Variants in ACTR3C observed in about 807,000 individuals in gnomAD.
ACTR3C encodes actin-related protein 3C.
In ACTR3C, 18 loss-of-function variants were observed where a neutral mutation model predicts 26.3. The ratio of observed to expected loss-of-function variants is 0.68; its 90% CI spans 0.47 to 1.01. ACTR3C has a LOEUF of 1.01. Ranked by LOEUF, ACTR3C falls within the 50% of genes least tolerant of loss-of-function variation. The pLI is 0.00. For synonymous variants in ACTR3C, 55 were observed against 94.5 expected (o/e 0.58, Z 2.42); for missense variants, 184 against 250.7 (o/e 0.73, Z 1.80).
intron 6 of ACTR3C, among the ~76,000 whole-genome samples, chr7:150,280,063 TAC>T (rs1835194140): frequency 1.3e-5 from 2 of 152,322 alleles, no homozygotes; most frequent in East Asian, 3.9e-4. Flanking sequence ...GCGTGCAAGT[TAC>T]TAAACACTGG....
At chr7:150,227,555 CA>C in the ACTR3C span, among the ~76,000 whole-genome samples, 1 of 151,504 alleles carries the variant, frequency 6.6e-6, no homozygotes, top group Non-Finnish European at 1.5e-5. Context: ...GCTGTTCTAT[CA>C]AAAACTTTAT....
At chr7:150,145,037 G>A in the ACTR3C span, among the ~76,000 whole-genome samples, 87 of 139,442 alleles carry the variant, frequency 6.2e-4, no homozygotes, top group Admixed American at 2.1e-3. Flanking sequence ...TGGACAGTGC[G>A]AGACTCCATC....
At chr7:150,050,263 CTAAA>C in the ACTR3C span, among the ~76,000 whole-genome samples, 3 of 152,152 alleles carry the variant, frequency 2.0e-5, no homozygotes, top group African/African-American at 4.8e-5. Context: ...TTTACACAAA[CTAAA>C]TGTCATACTA....
the ACTR3C span, among the ~76,000 whole-genome samples, chr7:149,961,698 T>C: frequency 6.7e-6 from 1 of 149,464 alleles, no homozygotes; most frequent in Admixed American, 6.6e-5. Flanking sequence ...AGTGTAGGCT[T>C]ACAGGAAGTG....
chr7:150,302,315 G>T (rs1402736838), intron 1 of ACTR3C, among the ~76,000 whole-genome samples: 1 of 152,168 alleles, frequency 6.6e-6, no homozygotes, highest in African/African-American at 2.4e-5. Flanking sequence ...AGTCTGAAAT[G>T]GCACACTGTG....
the ACTR3C span, among the ~76,000 whole-genome samples, chr7:150,104,708 C>A: frequency 6.6e-6 from 1 of 151,988 alleles, no homozygotes; most frequent in Non-Finnish European, 1.5e-5. Flanking sequence ...GCCCAGATAC[C>A]AAAACCTCCA....
chr7:150,318,018 A>ATGG (rs1303584409), intron 1 of ACTR3C, among the ~76,000 whole-genome samples: 5 of 152,196 alleles, frequency 3.3e-5, no homozygotes, highest in Non-Finnish European at 7.3e-5. Context: ...GGAGGTTGCA[A>ATGG]GAAAATGGGG....
chr7:150,191,620 G>A, the ACTR3C span, among the ~76,000 whole-genome samples: 2 of 152,086 alleles, frequency 1.3e-5, no homozygotes, highest in Non-Finnish European at 2.9e-5. Flanking sequence ...TGGATTTCTC[G>A]GGTTTTGCCA....
chr7:150,110,416 A>T, the ACTR3C span, among the ~76,000 whole-genome samples: 1 of 136,430 alleles, frequency 7.3e-6, no homozygotes, highest in Admixed American at 7.1e-5. Context: ...GGGACTGCTC[A>T]GCAAGGCTGG....
At chr7:150,127,313 T>A in the ACTR3C span, among the ~76,000 whole-genome samples, 1 of 146,098 alleles carries the variant, frequency 6.8e-6, no homozygotes, top group African/African-American at 2.5e-5. Flanking sequence ...CTTACCATAA[T>A]AGGAAAAAGA....
At chr7:150,044,119 C>A in the ACTR3C span, among the ~76,000 whole-genome samples, 2 of 152,098 alleles carry the variant, frequency 1.3e-5, no homozygotes, top group African/African-American at 4.8e-5. Flanking sequence ...GATACAGGAA[C>A]ACACTGTATA....
chr7:149,899,551 T>C, the ACTR3C span, among the ~76,000 whole-genome samples: 1 of 133,928 alleles, frequency 7.5e-6, no homozygotes, highest in Non-Finnish European at 1.6e-5. Context: ...GAAGACAGAA[T>C]AACAGACATT....
At chr7:150,149,017 G>T in the ACTR3C span, among the ~76,000 whole-genome samples, 48 of 146,854 alleles carry the variant, frequency 3.3e-4, 1 homozygote, top group Non-Finnish European at 3.7e-4. Context: ...ACCGTGATGG[G>T]CATAAAACGA....
the ACTR3C span, among the ~76,000 whole-genome samples, chr7:149,917,784 C>T: frequency 0.03 from 4,552 of 151,828 alleles, 257 homozygotes; most frequent in African/African-American, 0.1. Context: ...TATAGGTGCA[C>T]GACACCATGC....
chr7:150,159,984 G>A, the ACTR3C span, among the ~76,000 whole-genome samples: 8 of 151,940 alleles, frequency 5.3e-5, no homozygotes, highest in Admixed American at 3.3e-4. Context: ...TAGTAGAGAC[G>A]GGGTTTCACC....
rs1393618746 is a variant in ACTR3C at position 150,274,512 on chromosome 7, C to G, written c.564+10241G>C. On this transcript the variant is annotated intron_variant, in intron 6 of 7. Transcript: ENST00000683684. This position sits in a 1 kb window ranked among gnomAD's most constrained non-coding sequence, Gnocchi z 4.1. ...CACCATTCACTTCACTGGGATGGTC[C>G]GAAACTGAACCCACAAAATCTCCAA... Among the ~76,000 whole-genome samples the G allele has an allele frequency of 1.3e-5, 2 of 152,114 alleles. No individual in the cohort carries two copies. Among genetic ancestry groups the G allele is most frequent in the African/African-American group, 4.8e-5 (2 of 41,408 alleles).
At chr7:150,300,131 TC>T (rs1264210795) in intron 1 of ACTR3C, among the ~76,000 whole-genome samples, 1 of 151,942 alleles carries the variant, frequency 6.6e-6, no homozygotes, top group Non-Finnish European at 1.5e-5. Flanking sequence ...GGTGGGCGGA[TC>T]ATGAGCTCAG....
chr7:150,219,601 G>GT, the ACTR3C span, among the ~76,000 whole-genome samples: 36 of 138,106 alleles, frequency 2.6e-4, 2 homozygotes, highest in Admixed American at 1.0e-3. Flanking sequence ...GGCGATCTGG[G>GT]TTTTTTGCGC....
the ACTR3C span, among the ~76,000 whole-genome samples, chr7:150,158,658 G>A: frequency 1.3e-5 from 2 of 152,342 alleles, no homozygotes; most frequent in East Asian, 3.9e-4. Context: ...ATCAGTTGAG[G>A]ACGGGTGATC....
Sources: gnomAD v4.1 joint callset for allele counts (sites outside exome capture counted in the v4.1 genomes callset) on GRCh38, gnomAD v4.1.1 for gene constraint, Gnocchi (gnomAD v3.1) non-coding constraint, MANE v1.5 for transcripts, NCBI Gene and HGNC (gene_info 2026-07-23, HGNC 2026-07-21) for gene names.